Variants in PLEKHD1 observed in about 807,000 individuals in gnomAD.
PLEKHD1 encodes pleckstrin homology domain-containing family D member 1.
PLEKHD1 carries 51 observed loss-of-function variants against 69.2 expected under a neutral mutation model. The observed-to-expected ratio is 0.74, with a 90% CI of 0.59 to 0.93. The LOEUF (loss-of-function observed/expected upper bound fraction) is 0.93, where lower values mean the gene tolerates loss of function less well. PLEKHD1 is among the 40% of genes least tolerant of loss of function. PLEKHD1 has a pLI of 0.00. For missense variants in PLEKHD1, 584 were observed against 641.0 expected (o/e 0.91, Z 0.96); for synonymous variants, 236 against 244.7 (o/e 0.96, Z 0.33).
intron 12 of PLEKHD1, 106 bp downstream of exon 12, chr14:69,528,038 C>T (rs1883700017): frequency 2.0e-6 from 3 of 1,516,088 alleles, no homozygotes; most frequent in Non-Finnish European, 2.7e-6. Flanking sequence ...GAGAGTGTGG[C>T]CTTGAACCTG....
intron 1 of PLEKHD1, among the ~76,000 whole-genome samples, chr14:69,498,720 T>C (rs1882953587): frequency 6.6e-6 from 1 of 151,678 alleles, no homozygotes. Flanking sequence ...TGATCTTGGC[T>C]CACTGCAACC....
chr14:69,501,380 T>C, intron 4 of PLEKHD1: 1 of 313,882 alleles, frequency 3.2e-6, no homozygotes, highest in South Asian at 4.6e-5. Flanking sequence ...ATGCTTTTAG[T>C]TCCAAAAACA....
chr14:69,474,208 C>T, the PLEKHD1 span, among the ~76,000 whole-genome samples: 1 of 152,186 alleles, frequency 6.6e-6, no homozygotes, highest in Non-Finnish European at 1.5e-5. Context: ...CAGCCTAAAA[C>T]AATAACCAAG....
intron 1 of PLEKHD1, among the ~76,000 whole-genome samples, chr14:69,498,588 T>TTTCTC (rs71102658): frequency 0.13 from 13,728 of 108,332 alleles, 1,409 homozygotes; most frequent in Admixed American, 0.13. Flanking sequence ...TTCTTTTTGT[T>TTTCTC]TTCTCTTCTC....
Position 69,485,235 on chromosome 14 carries a change from C to A in PLEKHD1, c.149+121C>A, listed in dbSNP as rs376548227. The A allele has an allele frequency of 2.9e-5, 34 of 1,160,278 alleles. 1 individual carries two copies. The highest frequency in any genetic ancestry group is 2.9e-4 in the Middle Eastern group (1 of 3,494). 71.9% of individuals were successfully genotyped at this position (1,160,278 alleles called of 1,614,324 possible). A position where few individuals can be genotyped will look rare whatever the true frequency, so the allele number is the denominator to read the frequency against. On this transcript the variant is annotated intron_variant, in intron 1 of 12. Coordinates refer to ENST00000322564, the MANE Select transcript of PLEKHD1 (RefSeq NM_001161498.2). The stretch of plus-strand genomic sequence containing the variant: ...TTCCTGTGTGACCTTGGCGTCACCC[C>A]TTTTCACTCTACACTGGCTCCCGCA...
intron 6 of PLEKHD1, among the ~76,000 whole-genome samples, chr14:69,508,655 G>C (rs1373599596): frequency 3.3e-5 from 5 of 152,162 alleles, no homozygotes; most frequent in Non-Finnish European, 7.4e-5. Flanking sequence ...GGGACTAAAA[G>C]ACAAGAGACG....
At chr14:69,505,863 C>T (rs1883140524) in intron 6 of PLEKHD1, among the ~76,000 whole-genome samples, 1 of 152,160 alleles carries the variant, frequency 6.6e-6, no homozygotes, top group South Asian at 2.1e-4. Context: ...CATGCCCTTC[C>T]CTGGGTTCCT....
chr14:69,524,624 T>C (rs1883599468), intron 8 of PLEKHD1, among the ~76,000 whole-genome samples: 1 of 152,094 alleles, frequency 6.6e-6, no homozygotes, highest in African/African-American at 2.4e-5. Context: ...AGATAGAGGA[T>C]TGGTTAAGGT....
intron 6 of PLEKHD1, among the ~76,000 whole-genome samples, chr14:69,515,340 G>A (rs541518098): frequency 6.6e-6 from 1 of 151,976 alleles, no homozygotes; most frequent in Non-Finnish European, 1.5e-5. Flanking sequence ...CCTAAGATTG[G>A]CCCCCCCTGG....
chr14:69,503,260 T>G (rs1883070683), intron 6 of PLEKHD1: 1 of 242,510 alleles, frequency 4.1e-6, no homozygotes, highest in South Asian at 5.7e-5. Flanking sequence ...GGCTTGATGA[T>G]CTCAGAAGTT....
chr14:69,473,991 T>C, the PLEKHD1 span, among the ~76,000 whole-genome samples: 17 of 152,144 alleles, frequency 1.1e-4, no homozygotes, highest in African/African-American at 4.1e-4. Context: ...AGAACCTATA[T>C]TGTATTTTCA....
At chr14:69,502,747 C>T in intron 5 of PLEKHD1, 80 bp from the exon 6 acceptor site, 1 of 1,536,554 alleles carries the variant, frequency 6.5e-7, no homozygotes, top group Non-Finnish European at 8.8e-7. Context: ...CAGCGACCAC[C>T]TCAGGCACCA....
chr14:69,506,891 C>CTTTTTTTTTTTTTTTTTTTTTTTTTTTT (rs1162412450), intron 6 of PLEKHD1, among the ~76,000 whole-genome samples: 1 of 78,062 alleles, frequency 1.3e-5, no homozygotes, highest in African/African-American at 5.7e-5. Context: ...CTGGCAACTG[C>CTTTTTTTTTTTTTTTTTTTTTTTTTTTT]TTTTTTTTTT....
In PLEKHD1 at chr14:69,526,739, G is replaced by T; in HGVS notation, c.966G>T (p.Glu322Asp). The part of the protein sequence containing the change: ...NEERSRALEE[E>D]REFYSSQSQA... ...AGCGCTCACGGGCCCTGGAGGAGGA[G>T]CGTGAGTTCTACTCCAGCCAGTCCC... The change falls in exon 10 of 13, where the codon GAG (glutamate) becomes GAT (aspartate). Residue 322 changes from glutamate (E) to aspartate (D), a missense_variant. Transcript: ENST00000322564. 1 of 1,548,302 alleles carries T rather than the reference G, an allele frequency of 6.5e-7. No homozygotes were observed.
chr14:69,517,493 G>T (rs750175666), intron 6 of PLEKHD1, among the ~76,000 whole-genome samples: 33 of 152,136 alleles, frequency 2.2e-4, no homozygotes, highest in Non-Finnish European at 4.4e-4. Context: ...GAGTGGTCTA[G>T]ATTGCCTTGG....
At chr14:69,508,759 A>G (rs1367090195) in intron 6 of PLEKHD1, among the ~76,000 whole-genome samples, 4 of 152,220 alleles carry the variant, frequency 2.6e-5, no homozygotes, top group Admixed American at 2.0e-4. Context: ...CAAAAGAGAT[A>G]GTGAGAAAGT....
Position 69,529,466 on chromosome 14 carries a change from A to T in PLEKHD1, c.*1047A>T, listed in dbSNP as rs1212823852. Reference sequence around the variant, plus strand: ...TTGGGAGACTGAAATGAGGGGATTGATTGAGCCTGGGAGGTTGAGGCTGCA... The same window carrying T: ...TTGGGAGACTGAAATGAGGGGATTGTTTGAGCCTGGGAGGTTGAGGCTGCA... On this transcript the variant is annotated 3_prime_UTR_variant, in exon 13 of 13. Coordinates refer to ENST00000322564, the MANE Select transcript of PLEKHD1 (RefSeq NM_001161498.2). 1 of 152,482 alleles carries T rather than the reference A, an allele frequency of 6.6e-6. No individual in the cohort carries two copies. The highest frequency in any genetic ancestry group is 2.4e-5 in the African/African-American group (1 of 41,446). 9.4% of individuals were successfully genotyped at this position (152,482 alleles called of 1,614,324 possible).
At chr14:69,493,798 C>T (rs148881665) in intron 1 of PLEKHD1, among the ~76,000 whole-genome samples, 3 of 152,346 alleles carry the variant, frequency 2.0e-5, no homozygotes, top group African/African-American at 7.2e-5. Flanking sequence ...AGACAGCCAG[C>T]GTTGACACAA....
intron 11 of PLEKHD1, 62 bp downstream of exon 11, chr14:69,527,394 G>A (rs1336474238): frequency 2.1e-5 from 32 of 1,544,702 alleles, no homozygotes; most frequent in Non-Finnish European, 2.3e-5. Context: ...TGGGATCCCG[G>A]CCCTGTAGAG....
Sources: allele counts gnomAD v4.1 joint callset (sites outside exome capture counted in the v4.1 genomes callset), GRCh38; gene constraint gnomAD v4.1.1; transcripts MANE v1.5; gene names NCBI Gene and HGNC (gene_info 2026-07-23, HGNC 2026-07-21).